ITGB6: variants seen among roughly 807,000 people sequenced by gnomAD.
The protein encoded by ITGB6 is integrin subunit beta 6.
In ITGB6, 80 loss-of-function variants were observed where a neutral mutation model predicts 84.5. The observed-to-expected ratio is 0.95, with a 90% confidence interval of 0.79 to 1.14. The LOEUF (loss-of-function observed/expected upper bound fraction) is 1.14, where lower values mean the gene tolerates loss of function less well. ITGB6 is among the 50% of genes most tolerant of loss of function. The pLI is 0.00. For synonymous variants in ITGB6, 383 were observed against 354.9 expected, an observed-to-expected ratio of 1.08 and a Z score of -0.89; for missense variants, 1,006 against 968.0, an observed-to-expected ratio of 1.04 and a Z score of -0.52.
intron 7 of ITGB6, among the ~76,000 whole-genome samples, chr2:160,153,529 C>T (rs1202665724): frequency 6.6e-6 from 1 of 152,118 alleles, no homozygotes; most frequent in Non-Finnish European, 1.5e-5. Flanking sequence ...TAGGCATGGG[C>T]AAGGACTTCA....
At chr2:160,163,891 G>A (rs535814559) in intron 7 of ITGB6, among the ~76,000 whole-genome samples, 40 of 152,072 alleles carry the variant, frequency 2.6e-4, no homozygotes, top group Non-Finnish European at 1.5e-4. Context: ...CTTGACAAAC[G>A]TTCCCTATTA....
intron 4 of ITGB6, among the ~76,000 whole-genome samples, chr2:160,176,855 G>A (rs867619460): frequency 6.6e-6 from 1 of 152,188 alleles, no homozygotes; most frequent in Middle Eastern, 3.2e-3. Context: ...GTTGTGAGAT[G>A]AATCATAGTT....
At chr2:160,117,994 A>G (rs1682861098) in intron 12 of ITGB6, among the ~76,000 whole-genome samples, 1 of 152,272 alleles carries the variant, frequency 6.6e-6, no homozygotes, top group South Asian at 2.1e-4. Context: ...ATAGACCAAT[A>G]CAGGCTCTGA....
chr2:160,177,005 G>C (rs1006321041), intron 4 of ITGB6, among the ~76,000 whole-genome samples: 1 of 151,766 alleles, frequency 6.6e-6, no homozygotes, highest in African/African-American at 2.4e-5. Context: ...GAATTGCTGG[G>C]TTATCTTTTG....
Position 160,196,182 on chromosome 2 carries a change from T to C in ITGB6, c.346+34A>G, listed in dbSNP as rs376687757. 22 of 1,539,536 alleles carry C rather than the reference T, an allele frequency of 1.4e-5. No homozygotes were observed. The African/African-American group carries it at 2.2e-4, about 15-fold the overall frequency. The stretch of plus-strand genomic sequence containing the variant: ...GTAGCAGAATTACCATATATGACAT[T>C]AGATCTATTTACATGAGCCAAATCC... On this transcript the variant is annotated intron_variant, in intron 3 of 14. Coordinates refer to ENST00000283249, the MANE Select transcript of ITGB6 (RefSeq NM_000888.5).
Position 160,142,008 on chromosome 2 carries a change from G to T in ITGB6, c.1081C>A (p.Leu361Ile). 1 of 1,608,886 alleles carries T rather than the reference G, an allele frequency of 6.2e-7. No individual in the cohort carries two copies. The highest frequency in any genetic ancestry group is 8.5e-7 in the Non-Finnish European group (1 of 1,176,632). ...GLLQKDSGNI[L>I]QLIISAYEEL... is the part of the protein sequence containing the mutation. Reference sequence around the variant, plus strand: ...TCATAAGCTGAGATGATCAGCTGGAGAATGTTTCCGGAGTCCTTCTGAAGT... The same window carrying T: ...TCATAAGCTGAGATGATCAGCTGGATAATGTTTCCGGAGTCCTTCTGAAGT... Residue 361 changes from leucine to isoleucine, a missense_variant, in exon 8 of 15, where the codon CTC becomes ATC. Transcript: ENST00000283249.
chr2:160,189,307 A>G (rs1228208302), intron 4 of ITGB6, among the ~76,000 whole-genome samples: 1 of 152,154 alleles, frequency 6.6e-6, no homozygotes, highest in Admixed American at 6.6e-5. Flanking sequence ...GGACTTCATG[A>G]CTAAAACACC....
At chr2:160,196,871 G>A (rs937066028) in intron 2 of ITGB6, among the ~76,000 whole-genome samples, 1 of 152,000 alleles carries the variant, frequency 6.6e-6, no homozygotes, top group African/African-American at 2.4e-5. Context: ...TTTGGGAATT[G>A]ACACACTGTC....
intron 4 of ITGB6, among the ~76,000 whole-genome samples, chr2:160,193,687 G>A (rs1272081172): frequency 1.3e-5 from 2 of 152,172 alleles, no homozygotes; most frequent in Admixed American, 6.5e-5. Flanking sequence ...CTTTCCTTCT[G>A]ACTGAAATGA....
chr2:160,198,563 A>G (rs889023783), intron 2 of ITGB6, among the ~76,000 whole-genome samples: 2 of 152,234 alleles, frequency 1.3e-5, no homozygotes, highest in African/African-American at 2.4e-5. Flanking sequence ...GGCTTGGTAC[A>G]TAGTCCCCAA....
intron 4 of ITGB6, among the ~76,000 whole-genome samples, chr2:160,192,890 C>T (rs549506980): frequency 7.2e-5 from 11 of 151,966 alleles, no homozygotes; most frequent in Non-Finnish European, 1.5e-4. Flanking sequence ...AAAAGGAGCT[C>T]AACATCATTC....
At chr2:160,195,758 A>C (rs1686312051) in intron 3 of ITGB6, 143 bp from the exon 4 acceptor site, 3 of 941,212 alleles carry the variant, frequency 3.2e-6, no homozygotes, top group Middle Eastern at 3.3e-4. Context: ...TGTGGTCAAG[A>C]TCCTAAAAGA....
In ITGB6 at chr2:160,195,729, C is replaced by A. The variant is rs1686310776; in HGVS notation, c.347-114G>T. ...ACCTCAATAAGAACTTACTGAAATACATATGATTTTATTAACTGTGTGGTC... is the reference window on the plus strand; with the variant it reads ...ACCTCAATAAGAACTTACTGAAATAAATATGATTTTATTAACTGTGTGGTC... On this transcript the variant is annotated intron_variant, in intron 3 of 14. Transcript: ENST00000283249. 3.4e-5 allele frequency: 39 copies of A among 1,149,012 alleles called. No individual in the cohort carries two copies. The South Asian group carries it at 5.7e-4, about 17-fold the overall frequency. The allele number at this position is 1,149,012 out of a possible 1,614,324, so 71.2% of individuals were successfully genotyped here.
chr2:160,156,138 G>T (rs1019387908), intron 7 of ITGB6, among the ~76,000 whole-genome samples: 3 of 152,206 alleles, frequency 2.0e-5, no homozygotes, highest in Admixed American at 6.5e-5. Flanking sequence ...ATGCTTCCGG[G>T]TAATCAAGAT....
intron 12 of ITGB6, among the ~76,000 whole-genome samples, chr2:160,117,428 G>A (rs1208604186): frequency 3.9e-5 from 6 of 151,984 alleles, no homozygotes; most frequent in African/African-American, 7.3e-5. Context: ...GGTACATAAC[G>A]AAATGAAGGC....
chr2:160,118,853 C>A (rs1045400673), intron 12 of ITGB6, among the ~76,000 whole-genome samples: 3 of 152,126 alleles, frequency 2.0e-5, no homozygotes, highest in Admixed American at 2.0e-4. Flanking sequence ...AAATCACAAG[C>A]ATTCTTATAC....
chr2:160,137,773 C>A lies in ITGB6; in HGVS notation c.1321G>T (p.Gly441Trp). Residue 441 changes from glycine (G) to tryptophan (W), a missense_variant, in exon 10 of 15, where the codon GGG becomes TGG. By Grantham distance (184) the Gly-to-Trp change is radical (BLOSUM62 -2). Coordinates refer to ENST00000283249, the MANE Select transcript of ITGB6 (RefSeq NM_000888.5). ...RHIIIKPVGL[G>W]DALELLVSPE... ...CTGACAAGTAATTCCAGGGCATCCC[C>A]CAGCCCCACAGGCTTTATGATAATG... 1 of 1,614,180 alleles carries A rather than the reference C, an allele frequency of 6.2e-7. No homozygotes were observed. The highest frequency in any genetic ancestry group is 8.5e-7 in the Non-Finnish European group (1 of 1,180,018).
chr2:160,121,827 GT>G (rs1454235127), intron 12 of ITGB6, among the ~76,000 whole-genome samples: 1 of 139,602 alleles, frequency 7.2e-6, no homozygotes, highest in African/African-American at 2.5e-5. Context: ...TTAATAACAT[GT>G]TTTTGATATG....
intron 4 of ITGB6, among the ~76,000 whole-genome samples, chr2:160,182,697 T>A (rs1685730238): frequency 6.6e-6 from 1 of 152,110 alleles, no homozygotes; most frequent in African/African-American, 2.4e-5. Flanking sequence ...ATCATCAGAT[T>A]CACCAAGGTT....
Sources: gnomAD v4.1 joint callset for allele counts (sites outside exome capture counted in the v4.1 genomes callset) on GRCh38, gnomAD v4.1.1 for gene constraint, MANE v1.5 for transcripts, NCBI Gene and HGNC (gene_info 2026-07-23, HGNC 2026-07-21) for gene names.